STK40: variants seen among roughly 807,000 people sequenced by gnomAD.
STK40 encodes serine/threonine kinase 40.
STK40 carries 13 observed loss-of-function variants against 47.9 expected under a neutral mutation model. The observed-to-expected ratio is 0.27, with a 90% confidence interval of 0.18 to 0.43. The LOEUF (loss-of-function observed/expected upper bound fraction) is 0.43, where lower values mean the gene tolerates loss of function less well. Among genes scored for constraint, STK40 ranks in the 20% least tolerant of loss-of-function variants. The pLI is 1.00. For missense variants in STK40, 460 were observed against 595.1 expected, an observed-to-expected ratio of 0.77 and a Z score of 2.36; for synonymous variants, 225 against 243.2, an observed-to-expected ratio of 0.93 and a Z score of 0.69.
rs1265603197 is a variant in STK40 at position 36,358,520 on chromosome 1, T to C, written c.199-138A>G. 25 of 1,306,226 alleles carry C rather than the reference T, an allele frequency of 1.9e-5. No individual in the cohort carries two copies. The Middle Eastern group carries it at 5.9e-4, about 31-fold the overall frequency. The allele number at this position is 1,306,226 out of a possible 1,614,324, so 80.9% of individuals were successfully genotyped here. A position where few individuals can be genotyped will look rare whatever the true frequency, so the allele number is the denominator to read the frequency against. ...GCACACACAAACACACCAAGTGAAA[T>C]CGTTTTTCTTAATATGATGGTGATG... On this transcript the variant is annotated intron_variant, in intron 3 of 10. Coordinates refer to ENST00000373132, the MANE Select transcript of STK40 (RefSeq NM_001282547.2).
chr1:36,345,968 C>CATATATATATATATAT (rs1553135169), intron 7 of STK40, among the ~76,000 whole-genome samples: 5 of 29,928 alleles, frequency 1.7e-4, no homozygotes, highest in Non-Finnish European at 2.5e-4. Context: ...AAGGGCATTA[C>CATATATATATATATAT]ATATATATAT....
chr1:36,371,705 A>C (rs1018458761), intron 1 of STK40, among the ~76,000 whole-genome samples: 90 of 148,256 alleles, frequency 6.1e-4, no homozygotes, highest in Non-Finnish European at 1.1e-3. Context: ...AAAAAAAAAA[A>C]AAAAAAAGGA....
intron 1 of STK40, among the ~76,000 whole-genome samples, chr1:36,361,660 CCAAA>C (rs1436494464): frequency 6.6e-6 from 1 of 152,146 alleles, no homozygotes; most frequent in Admixed American, 6.5e-5. Flanking sequence ...GATGCTAATG[CCAAA>C]CAGAGCCCCA....
At chr1:36,352,973 G>A (rs1028521386) in intron 6 of STK40, among the ~76,000 whole-genome samples, 9 of 152,206 alleles carry the variant, frequency 5.9e-5, no homozygotes, top group Non-Finnish European at 1.2e-4. Flanking sequence ...GGAACCCCCA[G>A]CAGTAATTCC....
chr1:36,347,407 C>CTA (rs1298164414), intron 7 of STK40, among the ~76,000 whole-genome samples: 2 of 152,148 alleles, frequency 1.3e-5, no homozygotes, highest in African/African-American at 4.8e-5. Flanking sequence ...CGAGAATGGG[C>CTA]TTTAGTGGGA....
chr1:36,347,486 G>C (rs903814489), intron 7 of STK40, among the ~76,000 whole-genome samples: 1 of 152,182 alleles, frequency 6.6e-6, no homozygotes, highest in South Asian at 2.1e-4. Flanking sequence ...GACAAGAGAT[G>C]TCATCTCTCT....
intron 7 of STK40, among the ~76,000 whole-genome samples, chr1:36,345,802 G>A (rs1261500762): frequency 4.0e-5 from 6 of 151,400 alleles, no homozygotes; most frequent in Non-Finnish European, 7.4e-5. Flanking sequence ...CTCAGCCCGA[G>A]CCTCTGTCCT....
chr1:36,354,739 CT>C (rs1409723561), intron 5 of STK40, among the ~76,000 whole-genome samples: 1 of 152,098 alleles, frequency 6.6e-6, no homozygotes, highest in African/African-American at 2.4e-5. Flanking sequence ...CAGGATGGAT[CT>C]GGGGGTCGGG....
intron 7 of STK40, among the ~76,000 whole-genome samples, chr1:36,345,151 C>T (rs964507274): frequency 7.2e-5 from 11 of 152,254 alleles, no homozygotes; most frequent in African/African-American, 2.7e-4. Flanking sequence ...AAGCTCTTGG[C>T]CCTGCCCACT....
chr1:36,363,922 A>C (rs549287361), intron 1 of STK40, among the ~76,000 whole-genome samples: 202 of 151,764 alleles, frequency 1.3e-3, no homozygotes, highest in Non-Finnish European at 2.3e-3. Flanking sequence ...GAGGCCAAGG[A>C]GGGAAGATCA....
At position 36,361,308 on chromosome 1, in the gene STK40, C is replaced by T; in HGVS notation, c.25G>A (p.Gly9Arg). The T allele has an allele frequency of 1.2e-6, 2 of 1,614,260 alleles. No individual in the cohort carries two copies. The highest frequency in any genetic ancestry group is 2.2e-5 in the East Asian group (1 of 44,890). Residue 9 changes from glycine to arginine, a missense_variant, in exon 2 of 11, where the codon GGA becomes AGA. This residue lies in a region of STK40 where 277 missense variants were observed against 358.7 expected (regional missense o/e 0.77). Coordinates refer to ENST00000373132, the MANE Select transcript of STK40 (RefSeq NM_001282547.2). ...GCCCTGGCCGACGTTTCCCCAGCTC[C>T]TCTGTCTGATGCTCTCCGCTTCATT... MKRRASDR[G>R]AGETSARAKA... is the part of the protein sequence containing the mutation.
intron 1 of STK40, among the ~76,000 whole-genome samples, chr1:36,369,262 G>A (rs1259188594): frequency 1.3e-5 from 2 of 152,170 alleles, no homozygotes; most frequent in Non-Finnish European, 2.9e-5. Context: ...GGTGCAGGAT[G>A]GTGGGGCCCT....
At chr1:36,350,278 A>G (rs1646740531) in intron 6 of STK40, among the ~76,000 whole-genome samples, 1 of 152,172 alleles carries the variant, frequency 6.6e-6, no homozygotes, top group African/African-American at 2.4e-5. Flanking sequence ...CTAGCTCTGA[A>G]GCTCCAGTGC....
chr1:36,372,243 G>A (rs1244071618), intron 1 of STK40, among the ~76,000 whole-genome samples: 3 of 151,806 alleles, frequency 2.0e-5, no homozygotes, highest in African/African-American at 7.3e-5. Context: ...CAGCATTTTG[G>A]GAGGCTGAGG....
intron 1 of STK40, among the ~76,000 whole-genome samples, chr1:36,374,520 C>G (rs574083451): frequency 6.6e-6 from 1 of 152,370 alleles, no homozygotes; most frequent in South Asian, 2.1e-4. Context: ...GAATCCAGGG[C>G]AGCATTGCCA....
chr1:36,371,039 G>A (rs1326340379), intron 1 of STK40, among the ~76,000 whole-genome samples: 4 of 151,760 alleles, frequency 2.6e-5, no homozygotes, highest in Non-Finnish European at 1.5e-5. Context: ...ACCATGCCAA[G>A]TTAATTTTTG....
At chr1:36,362,854 C>G (rs1646864832) in intron 1 of STK40, among the ~76,000 whole-genome samples, 1 of 152,056 alleles carries the variant, frequency 6.6e-6, no homozygotes, top group South Asian at 2.1e-4. Flanking sequence ...TTTTTTCCCA[C>G]CTAAAATACA....
chr1:36,378,604 G>A (rs571055086), intron 1 of STK40, among the ~76,000 whole-genome samples: 6 of 152,082 alleles, frequency 3.9e-5, no homozygotes, highest in South Asian at 2.1e-4. Flanking sequence ...GACTACAGCC[G>A]TGCGCCACCA....
chr1:36,354,986 T>C (rs1018199065), intron 5 of STK40, among the ~76,000 whole-genome samples: 1 of 152,120 alleles, frequency 6.6e-6, no homozygotes, highest in African/African-American at 2.4e-5. Context: ...GCTGTGGTAA[T>C]TACCACAGCT....
Sources: allele counts gnomAD v4.1 joint callset (sites outside exome capture counted in the v4.1 genomes callset), GRCh38; gene constraint gnomAD v4.1.1; regional missense constraint gnomAD v4.1.1; transcripts MANE v1.5; gene names NCBI Gene and HGNC (gene_info 2026-07-23, HGNC 2026-07-21).